Variants in CAMTA1 observed in about 807,000 individuals in gnomAD.
CAMTA1 encodes the protein calmodulin-binding transcription activator 1.
CAMTA1 carries 27 observed loss-of-function variants against 170.9 expected under a neutral mutation model. The observed-to-expected ratio is 0.16, with a 90% confidence interval of 0.12 to 0.22. The LOEUF is 0.22. CAMTA1 is among the 10% of genes least tolerant of loss of function. The pLI, the probability that CAMTA1 is intolerant of heterozygous loss-of-function variation, is 1.00. For synonymous variants in CAMTA1, 833 were observed against 891.5 expected, an observed-to-expected ratio of 0.93 and a Z score of 1.17; for missense variants, 1,619 against 2,217.2, an observed-to-expected ratio of 0.73 and a Z score of 5.42.
At chr1:7,157,103 G>T (rs1478034803) in intron 4 of CAMTA1, among the ~76,000 whole-genome samples, 1 of 152,048 alleles carries the variant, frequency 6.6e-6, no homozygotes, top group African/African-American at 2.4e-5. Context: ...CAGCACTTTG[G>T]GAGGCTGAGG....
chr1:7,373,488 G>A lies in CAMTA1; in HGVS notation c.439-94342G>A, dbSNP rs566632722. ...TCCACCGCCTCTCCCCTACTCGGGG[G>A]AAGCCTTGTAGGGTGGTGGCTACGT... On this transcript the variant is annotated intron_variant, in intron 5 of 22. Coordinates refer to ENST00000303635, the MANE Select transcript of CAMTA1 (RefSeq NM_015215.4). Among the ~76,000 whole-genome samples, 8 of 152,302 alleles carry A rather than the reference G, an allele frequency of 5.3e-5. No homozygotes were observed. In the East Asian group the frequency reaches 1.5e-3, roughly 29 times the overall value.
chr1:6,988,360 CATTTTG>C (rs1695715639), intron 3 of CAMTA1, among the ~76,000 whole-genome samples: 5 of 152,188 alleles, frequency 3.3e-5, no homozygotes, highest in Non-Finnish European at 5.9e-5. Context: ...AACCCGGTTT[CATTTTG>C]CATAATCAGG....
intron 3 of CAMTA1, among the ~76,000 whole-genome samples, chr1:6,833,511 A>C (rs1372221666): frequency 6.6e-6 from 1 of 152,240 alleles, no homozygotes; most frequent in Non-Finnish European, 1.5e-5. Flanking sequence ...TTGTCTCGCA[A>C]CATGAGTATC....
chr1:7,066,492 A>G (rs907447430), intron 3 of CAMTA1, among the ~76,000 whole-genome samples: 46 of 152,262 alleles, frequency 3.0e-4, no homozygotes, highest in Non-Finnish European at 1.3e-4. Flanking sequence ...ACTGCTTTCA[A>G]GATAAACGTG....
intron 4 of CAMTA1, among the ~76,000 whole-genome samples, chr1:7,160,462 C>G (rs1309930036): frequency 6.6e-6 from 1 of 152,054 alleles, no homozygotes; most frequent in East Asian, 1.9e-4. Flanking sequence ...ATTGGACACT[C>G]TGAGCCCCGT....
chr1:6,869,184 C>T (rs528127308), intron 3 of CAMTA1, among the ~76,000 whole-genome samples: 1 of 152,260 alleles, frequency 6.6e-6, no homozygotes, highest in East Asian at 1.9e-4. Context: ...AGGGAGGCTT[C>T]TGGAAGAGAG....
Position 7,253,492 on chromosome 1 carries a change from G to A in CAMTA1, c.438+3866G>A, listed in dbSNP as rs186168352. 5.0e-3 allele frequency among the ~76,000 whole-genome samples: 760 copies of A among 152,288 alleles called. 14 individuals are homozygous for A. The highest frequency in any genetic ancestry group is 0.039 in the Admixed American group (589 of 15,294). ...CAGCTCTGGGCTCTTGTCCTCTCCA[G>A]TTTCTTTGCTGCTGGGTTCCCACAA... On this transcript the variant is annotated intron_variant, in intron 5 of 22. Coordinates refer to ENST00000303635, the MANE Select transcript of CAMTA1 (RefSeq NM_015215.4).
chr1:7,321,141 G>T (rs1678357260), intron 5 of CAMTA1, among the ~76,000 whole-genome samples: 2 of 152,322 alleles, frequency 1.3e-5, no homozygotes, highest in South Asian at 4.1e-4. Flanking sequence ...CAAGTTGCAG[G>T]TCTAAAAACT....
At chr1:6,890,606 G>T (rs892826994) in intron 3 of CAMTA1, among the ~76,000 whole-genome samples, 7 of 148,796 alleles carry the variant, frequency 4.7e-5, no homozygotes, top group Middle Eastern at 3.2e-3. Flanking sequence ...TCACTCTATT[G>T]CCCAGGCTGG....
At chr1:7,637,227 C>G (rs1343386322) in intron 6 of CAMTA1, among the ~76,000 whole-genome samples, 1 of 152,192 alleles carries the variant, frequency 6.6e-6, no homozygotes, top group East Asian at 1.9e-4. Flanking sequence ...CAGGCTGTGC[C>G]CAGCACGACT....
chr1:6,807,547 C>T (rs953850758), intron 1 of CAMTA1, among the ~76,000 whole-genome samples: 6 of 151,874 alleles, frequency 4.0e-5, no homozygotes, highest in Admixed American at 1.3e-4. Flanking sequence ...GGTGAAACCC[C>T]GTCTCTACTA....
chr1:7,291,837 C>T (rs1334056689), intron 5 of CAMTA1, among the ~76,000 whole-genome samples: 1 of 152,226 alleles, frequency 6.6e-6, no homozygotes, highest in Non-Finnish European at 1.5e-5. Context: ...TACATTCCTC[C>T]TTCCAACAAC....
intron 5 of CAMTA1, among the ~76,000 whole-genome samples, chr1:7,298,305 C>T (rs953383282): frequency 1.5e-5 from 2 of 133,236 alleles, no homozygotes; most frequent in East Asian, 2.3e-4. Flanking sequence ...TTAGCCTTCT[C>T]CAGAGATGCA....
chr1:6,945,783 A>G (rs1366338018), intron 3 of CAMTA1, among the ~76,000 whole-genome samples: 4 of 152,114 alleles, frequency 2.6e-5, no homozygotes, highest in Non-Finnish European at 4.4e-5. Context: ...GGCTTCTTTC[A>G]CTTATCATAA....
Position 7,293,270 on chromosome 1 carries a change from G to T in CAMTA1, c.438+43644G>T, listed in dbSNP as rs2149512413. On this transcript the variant is annotated intron_variant, in intron 5 of 22. Transcript: ENST00000303635. The surrounding 1 kb of genome is among the most constrained non-coding windows in gnomAD (Gnocchi z 4.1). Reference sequence around the variant, plus strand: ...GAGAGACCGCCACTCGTCTCCAGGAGCTCCCGCCAGAGGCCTGCTGTGACA... The same window carrying T: ...GAGAGACCGCCACTCGTCTCCAGGATCTCCCGCCAGAGGCCTGCTGTGACA... Among the ~76,000 whole-genome samples the T allele has an allele frequency of 6.6e-6, 1 of 152,292 alleles. No homozygotes were observed. The highest frequency in any genetic ancestry group is 1.9e-4 in the East Asian group (1 of 5,176).
At chr1:7,012,496 C>A (rs1699944171) in intron 3 of CAMTA1, among the ~76,000 whole-genome samples, 1 of 152,122 alleles carries the variant, frequency 6.6e-6, no homozygotes, top group African/African-American at 2.4e-5. Context: ...ATCTTAAAGA[C>A]CCTCTCTAGA....
intron 5 of CAMTA1, among the ~76,000 whole-genome samples, chr1:7,260,792 A>G (rs1668049147): frequency 6.6e-6 from 1 of 152,272 alleles, no homozygotes; most frequent in Non-Finnish European, 1.5e-5. Flanking sequence ...TTTACATGAC[A>G]GCACGAGAAA....
chr1:6,886,432 G>A, intron 3 of CAMTA1: 1 of 378,210 alleles, frequency 2.6e-6, no homozygotes, highest in Non-Finnish European at 5.1e-6. Flanking sequence ...TAACTACTAG[G>A]GAAATAGGCC....
chr1:6,852,201 A>G (rs959984885), intron 3 of CAMTA1, among the ~76,000 whole-genome samples: 1 of 152,194 alleles, frequency 6.6e-6, no homozygotes, highest in Non-Finnish European at 1.5e-5. Flanking sequence ...AAAAGTGAGG[A>G]CAAAATTATC....
Sources: gnomAD v4.1 joint callset for allele counts (sites outside exome capture counted in the v4.1 genomes callset) on GRCh38, gnomAD v4.1.1 for gene constraint, Gnocchi (gnomAD v3.1) non-coding constraint, MANE v1.5 for transcripts, NCBI Gene and HGNC (gene_info 2026-07-23, HGNC 2026-07-21) for gene names.